The following CFAP47 variants were observed in gnomAD, a reference collection of about 807,000 sequenced individuals.
CFAP47 encodes the protein cilia and flagella associated protein 47.
In CFAP47, 29 loss-of-function variants were observed where a neutral mutation model predicts 148.1. The observed-to-expected ratio is 0.20, with a 90% CI of 0.15 to 0.27. The LOEUF (loss-of-function observed/expected upper bound fraction) is 0.27. Among genes scored for constraint, CFAP47 ranks in the 10% least tolerant of loss-of-function variants. CFAP47 has a pLI of 1.00. For synonymous variants in CFAP47, 664 were observed against 577.3 expected, an observed-to-expected ratio of 1.15 and a Z score of -2.15; for missense variants, 1,872 against 1,697.5, an observed-to-expected ratio of 1.10 and a Z score of -1.81.
chrX:36,326,223 T>G (rs1238093399), intron 57 of CFAP47, among the ~76,000 whole-genome samples: 2 of 111,212 alleles, frequency 1.8e-5, no homozygotes, highest in East Asian at 5.7e-4. Flanking sequence ...TTCAAACTTT[T>G]TCTCTTGTTC....
intron 49 of CFAP47, among the ~76,000 whole-genome samples, chrX:36,271,228 G>A (rs190183618): frequency 9.7e-4 from 109 of 111,848 alleles, no homozygotes; most frequent in African/African-American, 3.5e-3. Context: ...TTGATCATAT[G>A]TAATACAATG....
intron 3 of CFAP47, among the ~76,000 whole-genome samples, chrX:35,946,805 T>C (rs1936090956): frequency 8.9e-6 from 1 of 111,969 alleles, no homozygotes; most frequent in Non-Finnish European, 1.9e-5. Context: ...ATAAAGGGAC[T>C]AGTGATTGGC....
intron 48 of CFAP47, among the ~76,000 whole-genome samples, chrX:36,246,212 C>G (rs1467401779): frequency 3.6e-5 from 4 of 111,589 alleles, no homozygotes; most frequent in African/African-American, 9.8e-5. Context: ...CTTAAATCAG[C>G]AAGCTTAAAA....
At chrX:36,123,656 A>G (rs1466051119) in intron 33 of CFAP47, among the ~76,000 whole-genome samples, 3 of 109,956 alleles carry the variant, frequency 2.7e-5, no homozygotes, top group Non-Finnish European at 5.7e-5. Context: ...TAACTTCTGC[A>G]TGGACTGGGA....
At position 36,336,381 on chromosome X, in the gene CFAP47, G is replaced by A. The variant is rs1941607354; in HGVS notation, c.8444-11748G>A. ...TTCAAGCCTAACTTCTCTGGGACCT[G>A]TGAATAATAAATTTCTTCTGTTCCT... On this transcript the variant is annotated intron_variant, in intron 57 of 63. Transcript: ENST00000378653. 3.6e-5 allele frequency among the ~76,000 whole-genome samples: 4 copies of A among 109,692 alleles called. No homozygotes were observed. In the Admixed American group the frequency reaches 3.9e-4, roughly 11 times the overall value.
intron 29 of CFAP47, among the ~76,000 whole-genome samples, chrX:36,084,468 C>A (rs1423284060): frequency 1.8e-5 from 2 of 111,419 alleles, no homozygotes; most frequent in African/African-American, 6.5e-5. Flanking sequence ...TAGTCTATTT[C>A]TTGCCCAGTG....
At chrX:36,042,039 C>T (rs1937412384) in intron 25 of CFAP47, among the ~76,000 whole-genome samples, 1 of 109,894 alleles carries the variant, frequency 9.1e-6, no homozygotes, top group African/African-American at 3.3e-5. Context: ...TCTAAAATGT[C>T]ATTAAAGAGA....
chrX:36,275,513 T>C lies in CFAP47; in HGVS notation c.7445-4974T>C, dbSNP rs781971439. Among the ~76,000 whole-genome samples the C allele has an allele frequency of 2.7e-5, 3 of 109,742 alleles. No individual in the cohort carries two copies. In the South Asian group the frequency reaches 1.2e-3, roughly 43 times the overall value. ...AATTGATTGATTTTTGTATGTTGAA[T>C]GACCATTCATTCATTCTGGAAATTA... On this transcript the variant is annotated intron_variant, in intron 49 of 63. Transcript: ENST00000378653.
At chrX:36,154,236 A>G (rs991635841) in intron 37 of CFAP47, among the ~76,000 whole-genome samples, 2 of 112,397 alleles carry the variant, frequency 1.8e-5, no homozygotes, top group Non-Finnish European at 3.8e-5. Flanking sequence ...TGCATTCAAT[A>G]GAAGCCAATC....
intron 28 of CFAP47, among the ~76,000 whole-genome samples, chrX:36,072,214 G>C (rs1053346195): frequency 8.9e-6 from 1 of 112,246 alleles, no homozygotes; most frequent in African/African-American, 3.2e-5. Context: ...TTTTCTGAAT[G>C]CCAAAATGTA....
chrX:36,375,117 C>T (rs901125751), intron 62 of CFAP47: 13 of 355,586 alleles, frequency 3.7e-5, no homozygotes, highest in Admixed American at 6.2e-5. Context: ...AAGAACCTGG[C>T]GTTTGCCTCT....
At chrX:36,212,839 G>A (rs1056701519) in intron 45 of CFAP47, among the ~76,000 whole-genome samples, 1 of 111,458 alleles carries the variant, frequency 9.0e-6, no homozygotes, top group Non-Finnish European at 1.9e-5. Context: ...GCCAGGAGCA[G>A]TGGATCATCA....
intron 63 of CFAP47, among the ~76,000 whole-genome samples, chrX:36,380,568 C>T (rs1483607070): frequency 1.8e-5 from 2 of 111,704 alleles, no homozygotes; most frequent in Admixed American, 9.5e-5. Context: ...CTCAGCCTCC[C>T]GAGTAGCAGG....
chrX:36,114,622 G>A (rs1480335045), intron 33 of CFAP47, among the ~76,000 whole-genome samples: 1 of 111,379 alleles, frequency 9.0e-6, no homozygotes, highest in African/African-American at 3.3e-5. Flanking sequence ...GAAGGCCAGC[G>A]CTCAGCTCTC....
intron 39 of CFAP47, among the ~76,000 whole-genome samples, chrX:36,161,082 G>A (rs1224042089): frequency 9.1e-6 from 1 of 110,318 alleles, no homozygotes; most frequent in Non-Finnish European, 1.9e-5. Flanking sequence ...TCTTGACCTC[G>A]TGAGCCACCC....
chrX:36,245,029 C>T (rs914193159), intron 48 of CFAP47, among the ~76,000 whole-genome samples: 2 of 112,111 alleles, frequency 1.8e-5, no homozygotes, highest in Non-Finnish European at 1.9e-5. Context: ...GCAAGCATTA[C>T]TCCTGGCATG....
In CFAP47 at chrX:36,085,316, A is replaced by T. The variant is rs1022592716; in HGVS notation, c.4694A>T (p.Asp1565Val). The T allele has an allele frequency of 8.7e-7, 1 of 1,152,450 alleles. No homozygotes were observed. Among genetic ancestry groups the T allele is most frequent in the Non-Finnish European group, 1.2e-6 (1 of 845,775 alleles). The allele number at this position is 1,152,450 out of a possible 1,213,427, so 95.0% of individuals were successfully genotyped here. Residue 1565 changes from aspartate (D) to valine (V), a missense_variant and splice_region_variant, in exon 30 of 64, where the codon GAT becomes GTT. By Grantham distance (152) the Asp-to-Val change is radical. Coordinates refer to ENST00000378653, the MANE Select transcript of CFAP47 (RefSeq NM_001304548.2). ...SFSIPETIRRDVYKMQFYSST... is the reference protein window; with the variant it reads ...SFSIPETIRRVVYKMQFYSST... Reference sequence around the variant, plus strand: ...AATTTTAAGTCTTTTTCTCATAGGGATGTATATAAAATGCAATTCTACTCA... The same window carrying T: ...AATTTTAAGTCTTTTTCTCATAGGGTTGTATATAAAATGCAATTCTACTCA...
chrX:36,246,165 AT>A (rs1283492578), intron 48 of CFAP47, among the ~76,000 whole-genome samples: 2 of 112,002 alleles, frequency 1.8e-5, no homozygotes, highest in African/African-American at 6.5e-5. Flanking sequence ...CAATCTGTTC[AT>A]CCAACAAAGG....
chrX:36,039,613 G>A (rs1251315056), intron 25 of CFAP47, among the ~76,000 whole-genome samples: 1 of 112,182 alleles, frequency 8.9e-6, no homozygotes, highest in African/African-American at 3.2e-5. Flanking sequence ...AAGTCAAGGT[G>A]TTGGCTGCAG....
Sources: gnomAD v4.1 joint callset for allele counts (sites outside exome capture counted in the v4.1 genomes callset) on GRCh38, gnomAD v4.1.1 for gene constraint, MANE v1.5 for transcripts, NCBI Gene and HGNC (gene_info 2026-07-23, HGNC 2026-07-21) for gene names.